PLAC8: variants seen among roughly 807,000 people sequenced by gnomAD.
PLAC8 encodes the protein placenta-specific gene 8 protein.
A neutral mutation model predicts 12.6 loss-of-function variants in PLAC8; 6 were observed. The observed-to-expected ratio is 0.48, with a 90% CI of 0.26 to 0.94. PLAC8 has a LOEUF of 0.94. PLAC8 is among the 40% of genes least tolerant of loss of function. The pLI, the probability that PLAC8 is intolerant of heterozygous loss-of-function variation, is 0.14. For missense variants in PLAC8, 122 were observed against 152.7 expected, an observed-to-expected ratio of 0.80 and a Z score of 1.06; for synonymous variants, 54 against 52.6, an observed-to-expected ratio of 1.03 and a Z score of -0.11.
chr4:83,093,259 T>C (rs1731849863), intron 4 of PLAC8: 1 of 152,270 alleles, frequency 6.6e-6, no homozygotes, highest in Admixed American at 6.5e-5. Flanking sequence ...GTTCAGCCAA[T>C]GGGAAAACCA....
At chr4:83,112,987 G>T (rs1732458698) in intron 1 of PLAC8, among the ~76,000 whole-genome samples, 2 of 152,130 alleles carry the variant, frequency 1.3e-5, no homozygotes, top group Non-Finnish European at 2.9e-5. Flanking sequence ...AAAACCACTT[G>T]GACTGCTCTT....
At chr4:83,091,175 T>G (rs1479336272) in intron 4 of PLAC8, among the ~76,000 whole-genome samples, 1 of 152,228 alleles carries the variant, frequency 6.6e-6, no homozygotes, top group Non-Finnish European at 1.5e-5. Flanking sequence ...GAACCCATAC[T>G]GATGCATTAC....
chr4:83,113,293 C>A (rs1732466425), intron 1 of PLAC8, among the ~76,000 whole-genome samples: 1 of 152,170 alleles, frequency 6.6e-6, no homozygotes, highest in African/African-American at 2.4e-5. Context: ...TGCGATGAAG[C>A]CCATGCTAGA....
At position 83,114,646 on chromosome 4, in the gene PLAC8, CT is replaced by C. The variant is rs1489212645; in HGVS notation, c.-30+19del. ...GAATGCTAAGTTTTTAAAACAAGTT[CT>C]TACTTGTAAAGTACTTACAATTAGT... On this transcript the variant is annotated intron_variant, in intron 1 of 4. Coordinates refer to ENST00000311507, the MANE Select transcript of PLAC8 (RefSeq NM_016619.3). The C allele has an allele frequency of 5.3e-5, 8 of 151,418 alleles. No individual in the cohort carries two copies. Among genetic ancestry groups the C allele is most frequent in the African/African-American group, 1.7e-4 (7 of 41,184 alleles). 9.4% of individuals were successfully genotyped at this position (151,418 alleles called of 1,614,324 possible).
At chr4:83,094,499 A>G (rs757809710) in intron 4 of PLAC8, 179 bp downstream of exon 4, 14 of 514,976 alleles carry the variant, frequency 2.7e-5, no homozygotes, top group Non-Finnish European at 4.8e-5. Flanking sequence ...GTTTCAAAGT[A>G]TAGAGCTATC....
chr4:83,092,660 C>G (rs1375194949), intron 4 of PLAC8, among the ~76,000 whole-genome samples: 1 of 151,982 alleles, frequency 6.6e-6, no homozygotes, highest in Non-Finnish European at 1.5e-5. Flanking sequence ...CCTTTAAAAT[C>G]TTTTATTTTT....
At chr4:83,105,552 C>T (rs1732215941) in intron 2 of PLAC8, among the ~76,000 whole-genome samples, 1 of 152,174 alleles carries the variant, frequency 6.6e-6, no homozygotes, top group South Asian at 2.1e-4. Context: ...AGTGTTCATT[C>T]AATATGGCTG....
intron 2 of PLAC8, among the ~76,000 whole-genome samples, chr4:83,106,122 C>T (rs991876005): frequency 4.6e-5 from 7 of 151,994 alleles, no homozygotes; most frequent in African/African-American, 1.7e-4. Context: ...GCCTCAGCCT[C>T]CCAAGTAGCT....
At chr4:83,112,049 C>T (rs1456727754) in intron 1 of PLAC8, among the ~76,000 whole-genome samples, 1 of 151,932 alleles carries the variant, frequency 6.6e-6, no homozygotes, top group African/African-American at 2.4e-5. Context: ...TAGTGTATGC[C>T]TGTAATCCCA....
chr4:83,114,018 A>G (rs1343213591), intron 1 of PLAC8, among the ~76,000 whole-genome samples: 2 of 150,892 alleles, frequency 1.3e-5, no homozygotes, highest in African/African-American at 4.9e-5. Context: ...TAATCCAGAT[A>G]CTAGACATAT....
intron 3 of PLAC8, among the ~76,000 whole-genome samples, chr4:83,100,253 C>A (rs1443379004): frequency 6.7e-6 from 1 of 149,654 alleles, no homozygotes; most frequent in African/African-American, 2.5e-5. Context: ...TGCACTCCAG[C>A]CTGGGTGACA....
At chr4:83,100,035 G>A (rs1464869994) in intron 3 of PLAC8, among the ~76,000 whole-genome samples, 2 of 147,896 alleles carry the variant, frequency 1.4e-5, no homozygotes, top group Admixed American at 6.8e-5. Flanking sequence ...TGCCGGGCGC[G>A]CGAGGCGGGC....
At chr4:83,109,098 T>C (rs140331033) in intron 1 of PLAC8, among the ~76,000 whole-genome samples, 8 of 152,294 alleles carry the variant, frequency 5.3e-5, no homozygotes, top group African/African-American at 1.7e-4. Context: ...GAGAGCAGCT[T>C]TGCCCAAGTC....
intron 3 of PLAC8, among the ~76,000 whole-genome samples, chr4:83,099,147 G>A (rs150131814): frequency 1.3e-5 from 2 of 152,062 alleles, no homozygotes; most frequent in East Asian, 1.9e-4. Context: ...GCCTTTAACT[G>A]TGGCTGCCCT....
In PLAC8 at chr4:83,104,890, A is replaced by G; in HGVS notation, c.243+6T>C. 1 of 1,613,776 alleles carries G rather than the reference A, an allele frequency of 6.2e-7. No homozygotes were observed. Among genetic ancestry groups the G allele is most frequent in the South Asian group, 1.1e-5 (1 of 91,062 alleles). On this transcript the variant is annotated splice_donor_region_variant and intron_variant, in intron 3 of 4. Coordinates refer to ENST00000311507, the MANE Select transcript of PLAC8 (RefSeq NM_016619.3). Reference sequence around the variant, plus strand: ...TTTGAGTGAGATGGTATGGTAAGAGACTCACAGGGATGCCATATCGGGTCC... The same window carrying G: ...TTTGAGTGAGATGGTATGGTAAGAGGCTCACAGGGATGCCATATCGGGTCC...
chr4:83,109,980 G>A (rs1443060817), intron 1 of PLAC8: 4 of 152,228 alleles, frequency 2.6e-5, no homozygotes, highest in African/African-American at 4.8e-5. Flanking sequence ...CTGCCCTCGG[G>A]GGACCATTCG....
chr4:83,103,359 C>CA (rs758854086), intron 3 of PLAC8, among the ~76,000 whole-genome samples: 1 of 152,116 alleles, frequency 6.6e-6, no homozygotes, highest in East Asian at 1.9e-4. Flanking sequence ...CTCACCACTG[C>CA]ACTCCAGCCT....
At chr4:83,110,215 T>C (rs1284435113) in intron 1 of PLAC8, among the ~76,000 whole-genome samples, 1 of 152,060 alleles carries the variant, frequency 6.6e-6, no homozygotes, top group East Asian at 1.9e-4. Context: ...AACGCTGGGA[T>C]TGGAAAGTAA....
At chr4:83,108,200 G>A (rs2126143640) in intron 1 of PLAC8, among the ~76,000 whole-genome samples, 1 of 149,228 alleles carries the variant, frequency 6.7e-6, no homozygotes, top group South Asian at 2.1e-4. Context: ...TTTAGGGGCA[G>A]GATGCTGAGG....
Sources: allele counts gnomAD v4.1 joint callset (sites outside exome capture counted in the v4.1 genomes callset), GRCh38; gene constraint gnomAD v4.1.1; transcripts MANE v1.5; gene names NCBI Gene and HGNC (gene_info 2026-07-23, HGNC 2026-07-21).